Variants in LINGO2 observed in about 807,000 individuals in gnomAD.
LINGO2 encodes the protein leucine rich repeat and Ig domain containing 2.
LINGO2 carries 14 observed loss-of-function variants against 30.6 expected under a neutral mutation model. The observed-to-expected ratio is 0.46, with a 90% CI of 0.30 to 0.72. The LOEUF is 0.72. LINGO2 is among the 30% of genes least tolerant of loss of function. The pLI, the probability that LINGO2 is intolerant of heterozygous loss-of-function variation, is 0.07. For synonymous variants in LINGO2, 317 were observed against 288.5 expected (o/e 1.10, Z -1.00); for missense variants, 729 against 751.7 (o/e 0.97, Z 0.35).
At chr9:28,843,580 A>C in the LINGO2 span, among the ~76,000 whole-genome samples, 2 of 151,926 alleles carry the variant, frequency 1.3e-5, no homozygotes, top group South Asian at 4.1e-4. Context: ...AGTGTTAACG[A>C]AAGAAAATAG....
chr9:28,313,940 T>G (rs1824730775), intron 3 of LINGO2, among the ~76,000 whole-genome samples: 1 of 152,130 alleles, frequency 6.6e-6, no homozygotes, highest in Non-Finnish European at 1.5e-5. Context: ...GAATTGATTT[T>G]TTTTTTTGTT....
intron 2 of LINGO2, among the ~76,000 whole-genome samples, chr9:28,431,298 T>C (rs1823667680): frequency 1.3e-5 from 2 of 152,140 alleles, no homozygotes; most frequent in South Asian, 4.1e-4. Context: ...CTTAAAGCTA[T>C]TTGAGAGCTG....
chr9:28,951,690 C>T, the LINGO2 span, among the ~76,000 whole-genome samples: 5 of 152,052 alleles, frequency 3.3e-5, no homozygotes, highest in Admixed American at 1.3e-4. Flanking sequence ...TAGAGATCTA[C>T]GAAGTCCCTT....
the LINGO2 span, among the ~76,000 whole-genome samples, chr9:28,933,459 A>AT: frequency 2.5e-4 from 38 of 151,866 alleles, 1 homozygote; most frequent in South Asian, 2.7e-3. Context: ...GATGTTAACA[A>AT]TTTTTTTTTC....
chr9:28,307,993 T>A (rs1824440159), intron 3 of LINGO2, among the ~76,000 whole-genome samples: 1 of 151,552 alleles, frequency 6.6e-6, no homozygotes, highest in East Asian at 2.0e-4. Context: ...ATCGTGAAAA[T>A]GGCCATACTG....
chr9:28,829,947 A>C, the LINGO2 span, among the ~76,000 whole-genome samples: 1 of 152,226 alleles, frequency 6.6e-6, no homozygotes, highest in African/African-American at 2.4e-5. Context: ...TAGACATATC[A>C]GTCATACTAT....
At chr9:28,222,586 A>G (rs942849265) in intron 4 of LINGO2, among the ~76,000 whole-genome samples, 3 of 152,148 alleles carry the variant, frequency 2.0e-5, no homozygotes, top group Non-Finnish European at 4.4e-5. Context: ...TTCGAATCTA[A>G]TAAAAATTAG....
intron 3 of LINGO2, among the ~76,000 whole-genome samples, chr9:28,304,459 T>A (rs546896520): frequency 6.6e-6 from 1 of 151,960 alleles, no homozygotes; most frequent in African/African-American, 2.4e-5. Flanking sequence ...TGGATCAGTT[T>A]TAAGAAATCA....
chr9:28,250,460 T>G (rs1822156779), intron 4 of LINGO2, among the ~76,000 whole-genome samples: 1 of 152,124 alleles, frequency 6.6e-6, no homozygotes, highest in Non-Finnish European at 1.5e-5. Flanking sequence ...ATACAGGACA[T>G]CAACAGGTGC....
chr9:28,645,969 TAA>T (rs1408061623), intron 1 of LINGO2, among the ~76,000 whole-genome samples: 1 of 152,164 alleles, frequency 6.6e-6, no homozygotes, highest in Non-Finnish European at 1.5e-5. Flanking sequence ...ACTATTTACC[TAA>T]GTTTCTCTGA....
chr9:28,363,173 A>G (rs1231186792), intron 3 of LINGO2, among the ~76,000 whole-genome samples: 2 of 152,196 alleles, frequency 1.3e-5, no homozygotes, highest in Non-Finnish European at 2.9e-5. Flanking sequence ...CTCTTCCAAA[A>G]TGTACACAGT....
At chr9:28,065,192 TA>T (rs748360364) in intron 4 of LINGO2, among the ~76,000 whole-genome samples, 110 of 138,584 alleles carry the variant, frequency 7.9e-4, no homozygotes, top group South Asian at 1.4e-3. Context: ...ATCTCCAAGT[TA>T]AAAAAAAAAA....
the LINGO2 span, among the ~76,000 whole-genome samples, chr9:28,884,975 TATATA>T: frequency 9.4e-5 from 1 of 10,620 alleles, no homozygotes; most frequent in African/African-American, 3.2e-4. Context: ...ATATATAATA[TATATA>T]ATATATAATA....
At chr9:28,430,096 A>ATG (rs1823586311) in intron 2 of LINGO2, among the ~76,000 whole-genome samples, 2 of 66,970 alleles carry the variant, frequency 3.0e-5, no homozygotes, top group East Asian at 3.8e-4. Context: ...GCTGATTTCC[A>ATG]CGCGCGCGCG....
intron 2 of LINGO2, among the ~76,000 whole-genome samples, chr9:28,397,355 G>A (rs1045117365): frequency 8.5e-5 from 11 of 129,138 alleles, no homozygotes; most frequent in South Asian, 2.4e-4. Context: ...ATGTTTTGAA[G>A]TATATATATA....
chr9:28,608,145 G>T (rs1411137029), intron 1 of LINGO2, among the ~76,000 whole-genome samples: 2 of 113,156 alleles, frequency 1.8e-5, no homozygotes, highest in Non-Finnish European at 3.7e-5. Context: ...ACATTCTGTA[G>T]AAAGATAAAA....
At chr9:28,456,941 C>T (rs990566454) in intron 2 of LINGO2, among the ~76,000 whole-genome samples, 1 of 152,106 alleles carries the variant, frequency 6.6e-6, no homozygotes, top group Non-Finnish European at 1.5e-5. Flanking sequence ...TTATCTTTTC[C>T]TCACCCCTTT....
In LINGO2 at chr9:28,189,239, G is replaced by T. The variant is rs142149827; in HGVS notation, c.-87+105969C>A. ...AGGAAGGAAAGAAGGAAGGAAAAAA[G>T]GAAGGGAGGAAGGGAGGAAGGAAGG... On this transcript the variant is annotated intron_variant, in intron 4 of 5. Coordinates refer to ENST00000379992, the Ensembl canonical transcript of LINGO2. Among the ~76,000 whole-genome samples the T allele has an allele frequency of 6.0e-3, 833 of 139,794 alleles. 14 individuals are homozygous for T. The highest frequency in any genetic ancestry group is 0.022 in the African/African-American group (802 of 36,370). The allele number at this position is 139,794 out of a possible 152,430, so 91.7% of individuals were successfully genotyped here. A position where few individuals can be genotyped will look rare whatever the true frequency, so the allele number is the denominator to read the frequency against.
intron 3 of LINGO2, among the ~76,000 whole-genome samples, chr9:28,328,302 G>A (rs1825300688): frequency 6.6e-6 from 1 of 152,166 alleles, no homozygotes; most frequent in African/African-American, 2.4e-5. Context: ...AAGGCTGTCT[G>A]TAATGTTATT....
Sources: allele counts gnomAD v4.1 joint callset (sites outside exome capture counted in the v4.1 genomes callset), GRCh38; gene constraint gnomAD v4.1.1; transcripts MANE v1.5; gene names NCBI Gene and HGNC (gene_info 2026-07-23, HGNC 2026-07-21).